Variants in CNNM3 observed in about 807,000 individuals in gnomAD.
The protein encoded by CNNM3 is metal transporter CNNM3.
In CNNM3, 47 loss-of-function variants were observed where a neutral mutation model predicts 57.1. The observed-to-expected ratio is 0.82, with a 90% CI of 0.65 to 1.05. CNNM3 has a LOEUF of 1.05. Ranked by LOEUF, CNNM3 falls within the 50% of genes least tolerant of loss-of-function variation. The pLI is 0.00. For synonymous variants in CNNM3, 507 were observed against 478.2 expected (o/e 1.06, Z -0.79); for missense variants, 957 against 973.7 (o/e 0.98, Z 0.23).
downstream of CNNM3, among the ~76,000 whole-genome samples, chr2:96,835,491 C>T (rs557186345): frequency 7.8e-5 from 11 of 141,174 alleles, no homozygotes; most frequent in African/African-American, 1.9e-4. Context: ...TTTTTTGAGA[C>T]GGAGTCTCAC....
rs777068881 is a variant in CNNM3 at position 96,826,884 on chromosome 2, G to A, written c.1421G>A (p.Arg474Gln). 1.5e-5 allele frequency: 24 copies of A among 1,614,094 alleles called. No homozygotes were observed. Among genetic ancestry groups the A allele is most frequent in the African/African-American group, 2.7e-5 (2 of 74,948 alleles). The change falls in exon 3 of 8, where the codon CGG (arginine) becomes CAG (glutamine). Residue 474 changes from arginine (R) to glutamine (Q), a missense_variant. Arg to Gln is a conservative substitution (Grantham distance 43, BLOSUM62 1). Transcript: ENST00000305510. ...GCTTCTCTGATGGCCCCTCTGAAGC[G>A]GAAGGAGGAGTTCTCCTTGTTCAAG... ...KPASLMAPLKRKEEFSLFKVS... is the reference protein window; with the variant it reads ...KPASLMAPLKQKEEFSLFKVS...
intron 1 of CNNM3, among the ~76,000 whole-genome samples, chr2:96,819,449 G>A (rs1305705470): frequency 6.6e-6 from 1 of 152,222 alleles, no homozygotes; most frequent in African/African-American, 2.4e-5. Context: ...ACTTTGGCCA[G>A]TGCCTGGCGT....
Position 96,826,821 on chromosome 2 carries a change from C to T in CNNM3, c.1370-12C>T, listed in dbSNP as rs1468452589. The T allele has an allele frequency of 3.1e-6, 5 of 1,613,914 alleles. No homozygotes were observed. Among genetic ancestry groups the T allele is most frequent in the South Asian group, 2.2e-5 (2 of 91,076 alleles). On this transcript the variant is annotated splice_polypyrimidine_tract_variant and intron_variant, in intron 2 of 7. Transcript: ENST00000305510. Reference sequence around the variant, plus strand: ...GGCTGATGCCTGAGCGCGCCCTCTTCTTCCATCTTAGGAGACACCGTGGTG... The same window carrying T: ...GGCTGATGCCTGAGCGCGCCCTCTTTTTCCATCTTAGGAGACACCGTGGTG...
At position 96,832,773 on chromosome 2, in the gene CNNM3, A is replaced by C; in HGVS notation, c.*157A>C. ...GGGTCCTGGGTGTCCTCAGAACTAG[A>C]CATCAATGCCTGGATCCTTCAGCCG... On this transcript the variant is annotated 3_prime_UTR_variant, in exon 8 of 8. Transcript: ENST00000305510. 2 of 1,507,782 alleles carry C rather than the reference A, an allele frequency of 1.3e-6. No homozygotes were observed. Among genetic ancestry groups the C allele is most frequent in the Non-Finnish European group, 1.8e-6 (2 of 1,130,958 alleles). The allele number at this position is 1,507,782 out of a possible 1,614,324, so 93.4% of individuals were successfully genotyped here. A position where few individuals can be genotyped will look rare whatever the true frequency, so the allele number is the denominator to read the frequency against.
At chr2:96,817,750 GC>G (rs11308098) in intron 1 of CNNM3, among the ~76,000 whole-genome samples, 21,032 of 139,038 alleles carry the variant, frequency 0.15, 2,463 homozygotes, top group African/African-American at 0.34. Flanking sequence ...CGTCAGGATA[GC>G]CCCCCCCCCC....
rs75486660 is a variant in CNNM3 at position 96,829,770 on chromosome 2, G to A, written c.2059+636G>A. ...AATGGATTGACTTAATCAGAGATTT[G>A]TTGGGAAGTGGGAATAAGTTTTAGT... is the stretch of plus-strand genomic sequence containing the variant. On this transcript the variant is annotated intron_variant, in intron 7 of 7. Coordinates refer to ENST00000305510, the MANE Select transcript of CNNM3 (RefSeq NM_017623.5). Among the ~76,000 whole-genome samples, 931 of 152,204 alleles carry A rather than the reference G, an allele frequency of 6.1e-3. 13 individuals are homozygous for A. Among genetic ancestry groups the A allele is most frequent in the Middle Eastern group, 0.058 (17 of 294 alleles).
chr2:96,821,793 C>T (rs1370346896), intron 1 of CNNM3, among the ~76,000 whole-genome samples: 2 of 152,168 alleles, frequency 1.3e-5, no homozygotes, highest in East Asian at 3.8e-4. Context: ...AGTCATCTAA[C>T]ACAAAACTAT....
Position 96,832,698 on chromosome 2 carries a change from G to T in CNNM3, c.*82G>T. ...TGAGCTGAGCAGAAGTTTTGTGCCC[G>T]CCTGCCCCCATCCCCTCCAGGCCAC... On this transcript the variant is annotated 3_prime_UTR_variant, in exon 8 of 8. Coordinates refer to ENST00000305510, the MANE Select transcript of CNNM3 (RefSeq NM_017623.5). 6.3e-7 allele frequency: 1 copy of T among 1,593,424 alleles called. No individual in the cohort carries two copies. Among genetic ancestry groups the T allele is most frequent in the Non-Finnish European group, 8.5e-7 (1 of 1,174,220 alleles).
At position 96,832,599 on chromosome 2, in the gene CNNM3, C is replaced by T. The variant is rs769820758; in HGVS notation, c.2107C>T (p.Arg703Trp). The T allele has an allele frequency of 9.9e-6, 16 of 1,613,992 alleles. 1 individual carries two copies. The highest frequency in any genetic ancestry group is 2.2e-5 in the South Asian group (2 of 91,088). ...PGVPVEGSPG[R>W]NPGV ...CGTCCCGGTGGAAGGCAGCCCTGGG[C>T]GGAACCCAGGCGTTTAACGGCTCAC... Residue 703 changes from arginine (R) to tryptophan (W), a missense_variant, in exon 8 of 8, where the codon CGG (arginine) becomes TGG (tryptophan). By Grantham distance (101) the Arg-to-Trp change is moderately radical (BLOSUM62 -3). Around this residue, in one of 2 missense-constraint regions of CNNM3, gnomAD observed 491 missense variants for 570.6 expected, o/e 0.86. Coordinates refer to ENST00000305510, the MANE Select transcript of CNNM3 (RefSeq NM_017623.5).
chr2:96,825,172 C>T lies in CNNM3; in HGVS notation c.1340C>T (p.Ser447Phe). The change falls in exon 2 of 8, where the codon TCC becomes TTC. Residue 447 changes from serine to phenylalanine, a missense_variant. Physicochemically the swap from Ser to Phe is radical, Grantham distance 155. Around this residue, in one of 2 missense-constraint regions of CNNM3, gnomAD observed 491 missense variants for 570.6 expected, o/e 0.86. Coordinates refer to ENST00000305510, the MANE Select transcript of CNNM3 (RefSeq NM_017623.5). ...LEDVIEEIIR[S>F]EILDESEDYR... ...GACGTGATCGAGGAGATCATCAGGTCCGAGATCCTGGACGAGTCTGAAGAC... is the reference window on the plus strand; with the variant it reads ...GACGTGATCGAGGAGATCATCAGGTTCGAGATCCTGGACGAGTCTGAAGAC... 6.2e-7 allele frequency: 1 copy of T among 1,614,174 alleles called. No homozygotes were observed. The highest frequency in any genetic ancestry group is 8.5e-7 in the Non-Finnish European group (1 of 1,180,024).
chr2:96,828,159 T>TA lies in CNNM3; in HGVS notation c.1751dup (p.Tyr584Ter). ...GLKFENGAFT[Y>*]YGVSALTVPS... is the part of the protein sequence containing the mutation. The stretch of plus-strand genomic sequence containing the variant: ...GAAGTTTGAGAATGGGGCCTTCACG[T>TA]ACTATGGAGTGTCGGCCCTAACTGT... Residue 584 changes from tyrosine to a stop codon, truncating the protein, a stop_gained and frameshift_variant, in exon 5 of 8, where the codon TAC (tyrosine) becomes TAAC (stop). Coordinates refer to ENST00000305510, the MANE Select transcript of CNNM3 (RefSeq NM_017623.5). LOFTEE classifies it high-confidence loss of function. 1 of 1,614,078 alleles carries TA rather than the reference T, an allele frequency of 6.2e-7. No individual in the cohort carries two copies. The highest frequency in any genetic ancestry group is 8.5e-7 in the Non-Finnish European group (1 of 1,179,988).
chr2:96,824,809 G>A, intron 1 of CNNM3: 1 of 508,572 alleles, frequency 2.0e-6, no homozygotes, highest in East Asian at 3.4e-5. Flanking sequence ...TGCCAGCTCT[G>A]CCTGGGGGGC....
intron 7 of CNNM3, among the ~76,000 whole-genome samples, chr2:96,830,008 G>A (rs1476836634): frequency 2.0e-5 from 3 of 152,186 alleles, no homozygotes; most frequent in Non-Finnish European, 2.9e-5. Context: ...TTTGCAAATC[G>A]AACTAAAGGT....
chr2:96,829,689 A>G (rs1472989776), intron 7 of CNNM3, among the ~76,000 whole-genome samples: 2 of 151,952 alleles, frequency 1.3e-5, no homozygotes, highest in East Asian at 3.9e-4. Context: ...ACTATAGACT[A>G]ACTGGTATTT....
At chr2:96,817,858 A>G (rs966587007) in intron 1 of CNNM3, among the ~76,000 whole-genome samples, 3 of 152,070 alleles carry the variant, frequency 2.0e-5, no homozygotes, top group Admixed American at 6.5e-5. Flanking sequence ...AGCAGGTCCA[A>G]ATTTTTGGAT....
At position 96,816,378 on chromosome 2, in the gene CNNM3, TG is replaced by T; in HGVS notation, c.104del (p.Gly35AlafsTer122). ...GAGGCCGCGCCGGGCCCGCGAGTGC[TG>T]GGCTTCTGCCTGGAGGAGGATGGAG... is the stretch of plus-strand genomic sequence containing the variant. ...AGEAAPGPRV[L>X]GFCLEEDGAA... On this transcript the variant is annotated frameshift_variant, in exon 1 of 8. Coordinates refer to ENST00000305510, the MANE Select transcript of CNNM3 (RefSeq NM_017623.5). LOFTEE classifies it high-confidence loss of function. 7.4e-7 allele frequency: 1 copy of T among 1,344,468 alleles called. No homozygotes were observed. Among genetic ancestry groups the T allele is most frequent in the South Asian group, 1.9e-5 (1 of 53,530 alleles). 83.3% of individuals were successfully genotyped at this position (1,344,468 alleles called of 1,614,324 possible).
At chr2:96,826,404 C>T (rs1376292688) in intron 2 of CNNM3, among the ~76,000 whole-genome samples, 3 of 151,936 alleles carry the variant, frequency 2.0e-5, no homozygotes, top group African/African-American at 4.8e-5. Flanking sequence ...TGTAAAGACA[C>T]GGTCTCTCTA....
At chr2:96,818,812 G>A (rs901132019) in intron 1 of CNNM3, among the ~76,000 whole-genome samples, 8 of 152,214 alleles carry the variant, frequency 5.3e-5, no homozygotes, top group African/African-American at 1.9e-4. Flanking sequence ...GCACCCCAGG[G>A]TGTTGGATGG....
intron 1 of CNNM3, among the ~76,000 whole-genome samples, chr2:96,820,019 G>C (rs997763940): frequency 6.6e-6 from 1 of 152,204 alleles, no homozygotes; most frequent in Non-Finnish European, 1.5e-5. Context: ...TGGCGGGGGG[G>C]CTTGTGTGCT....
Sources: gnomAD v4.1 joint callset for allele counts (sites outside exome capture counted in the v4.1 genomes callset) on GRCh38, gnomAD v4.1.1 for gene constraint, gnomAD v4.1.1 regional missense constraint, MANE v1.5 for transcripts, NCBI Gene and HGNC (gene_info 2026-07-23, HGNC 2026-07-21) for gene names.